The following GRIK2 variants were observed in gnomAD, a reference collection of about 807,000 sequenced individuals.
GRIK2 encodes the protein glutamate receptor ionotropic, kainate 2.
A neutral mutation model predicts 100.3 loss-of-function variants in GRIK2; 32 were observed. The observed-to-expected ratio is 0.32, with a 90% CI of 0.24 to 0.43. GRIK2 has a LOEUF of 0.43. Ranked by LOEUF, GRIK2 falls within the 20% of genes least tolerant of loss-of-function variation. GRIK2 has a pLI of 1.00. For synonymous variants in GRIK2, 417 were observed against 389.4 expected (o/e 1.07, Z -0.83); for missense variants, 843 against 1,114.9 (o/e 0.76, Z 3.47).
At chr6:101,632,846 TCTCAGGAGAAGAAGGG>T (rs1373619002) in intron 4 of GRIK2, among the ~76,000 whole-genome samples, 1 of 151,898 alleles carries the variant, frequency 6.6e-6, no homozygotes, top group African/African-American at 2.4e-5. Flanking sequence ...CATCATGACA[TCTCAGGAGAAGAAGGG>T]CTCAGGAGAA....
chr6:101,986,341 TGA>T (rs1163970738), intron 14 of GRIK2, among the ~76,000 whole-genome samples: 7 of 151,928 alleles, frequency 4.6e-5, no homozygotes, highest in East Asian at 3.9e-4. Context: ...TTTGTGTATG[TGA>T]GAGAGTTATA....
intron 14 of GRIK2, among the ~76,000 whole-genome samples, chr6:101,958,053 C>T (rs1240246717): frequency 6.6e-6 from 1 of 151,714 alleles, no homozygotes; most frequent in Admixed American, 6.6e-5. Context: ...TTTTCTAATT[C>T]TGTGAAAAAT....
In GRIK2 at chr6:101,799,774, A is replaced by G. The variant is rs1780557843; in HGVS notation, c.1078A>G (p.Met360Val). The G allele has an allele frequency of 1.9e-6, 3 of 1,613,166 alleles. No homozygotes were observed. The highest frequency in any genetic ancestry group is 2.2e-5 in the South Asian group (2 of 91,048). The stretch of plus-strand genomic sequence containing the variant: ...ACCCTGGCGCTTCGGGACCCGCTTT[A>G]TGAGTCTAATTAAAGAGGTAAGTTA... The part of the protein sequence containing the change: ...HKPWRFGTRF[M>V]SLIKEAHWEG... The change falls in exon 8 of 17, where the codon ATG becomes GTG. Residue 360 changes from methionine (M) to valine (V), a missense_variant. By Grantham distance (21) the Met-to-Val change is conservative. Around this residue, in one of 3 missense-constraint regions of GRIK2, gnomAD observed 519 missense variants for 643.8 expected, o/e 0.81. Coordinates refer to ENST00000369134, the MANE Select transcript of GRIK2 (RefSeq NM_021956.5).
chr6:101,588,616 A>T (rs1451908124), intron 2 of GRIK2, among the ~76,000 whole-genome samples: 1 of 151,922 alleles, frequency 6.6e-6, no homozygotes, highest in Non-Finnish European at 1.5e-5. Context: ...GTGAATAGCC[A>T]CTGCACTCCA....
intron 7 of GRIK2, among the ~76,000 whole-genome samples, chr6:101,787,827 A>C (rs1779537762): frequency 6.6e-6 from 1 of 152,080 alleles, no homozygotes; most frequent in Non-Finnish European, 1.5e-5. Flanking sequence ...CTTTGGCTAA[A>C]CTGCAGTTTT....
At chr6:101,408,211 T>A (rs1031947615) in intron 2 of GRIK2, among the ~76,000 whole-genome samples, 1 of 152,126 alleles carries the variant, frequency 6.6e-6, no homozygotes, top group Non-Finnish European at 1.5e-5. Context: ...TTATGAAGAA[T>A]AAGTGGATCT....
chr6:102,025,038 C>T lies in GRIK2; in HGVS notation c.2086-10303C>T, dbSNP rs899781072. Among the ~76,000 whole-genome samples the T allele has an allele frequency of 8.6e-5, 13 of 150,876 alleles. No homozygotes were observed. In the South Asian group the frequency reaches 2.3e-3, roughly 27 times the overall value. The stretch of plus-strand genomic sequence containing the variant: ...ATCTTGGAATTTATATAGTCTAATC[C>T]GTTTATTCCACAATTGAACAAATTG... On this transcript the variant is annotated intron_variant, in intron 14 of 16. Transcript: ENST00000369134.
intron 2 of GRIK2, among the ~76,000 whole-genome samples, chr6:101,578,461 A>G (rs1777891579): frequency 6.6e-6 from 1 of 152,190 alleles, no homozygotes; most frequent in Non-Finnish European, 1.5e-5. Context: ...GAAAGCAACC[A>G]GCTTAGATTG....
At chr6:101,651,209 G>A (rs796122804) in intron 4 of GRIK2, among the ~76,000 whole-genome samples, 24 of 151,964 alleles carry the variant, frequency 1.6e-4, no homozygotes, top group African/African-American at 5.3e-4. Flanking sequence ...TAGCATTTTG[G>A]GTCTATTCTA....
chr6:101,523,150 A>G (rs1310819793), intron 2 of GRIK2, among the ~76,000 whole-genome samples: 2 of 152,134 alleles, frequency 1.3e-5, no homozygotes, highest in Non-Finnish European at 2.9e-5. Flanking sequence ...GAGGAAATCC[A>G]TCTTAGGGAA....
chr6:101,608,787 GT>G (rs1779546649), intron 2 of GRIK2, among the ~76,000 whole-genome samples: 85 of 104,498 alleles, frequency 8.1e-4, no homozygotes, highest in African/African-American at 2.4e-3. Context: ...ATAGAGGGGT[GT>G]GTGTGTGTGT....
intron 14 of GRIK2, among the ~76,000 whole-genome samples, chr6:102,015,850 C>T (rs1444519481): frequency 2.0e-5 from 3 of 152,148 alleles, no homozygotes; most frequent in Non-Finnish European, 4.4e-5. Context: ...ATATCAATGG[C>T]TCCCCAATCA....
chr6:101,520,740 C>T (rs552744020), intron 2 of GRIK2, among the ~76,000 whole-genome samples: 2 of 152,148 alleles, frequency 1.3e-5, no homozygotes, highest in South Asian at 2.1e-4. Context: ...TTTAGTAGAA[C>T]ATAACACAAC....
At chr6:101,998,928 C>T (rs2114253635) in intron 14 of GRIK2, among the ~76,000 whole-genome samples, 1 of 151,224 alleles carries the variant, frequency 6.6e-6, no homozygotes, top group East Asian at 2.0e-4. Context: ...ATTCTCCTGC[C>T]TCAGCTTCCC....
At chr6:101,933,416 C>T (rs1406654085) in intron 14 of GRIK2, among the ~76,000 whole-genome samples, 1 of 151,896 alleles carries the variant, frequency 6.6e-6, no homozygotes, top group Non-Finnish European at 1.5e-5. Flanking sequence ...TAAAACTAGC[C>T]AGCTGATACT....
chr6:101,954,683 G>C (rs1250437477), intron 14 of GRIK2, among the ~76,000 whole-genome samples: 2 of 152,094 alleles, frequency 1.3e-5, no homozygotes, highest in African/African-American at 4.8e-5. Context: ...TTTCCAATCT[G>C]GATGCCTTTG....
chr6:101,944,723 C>T (rs934598063), intron 14 of GRIK2, among the ~76,000 whole-genome samples: 1 of 151,748 alleles, frequency 6.6e-6, no homozygotes, highest in African/African-American at 2.4e-5. Context: ...TGTAATAATT[C>T]ATTATAATAG....
intron 11 of GRIK2, among the ~76,000 whole-genome samples, chr6:101,873,563 C>T (rs1386042038): frequency 6.6e-6 from 1 of 152,014 alleles, no homozygotes; most frequent in Non-Finnish European, 1.5e-5. Context: ...CATACATGTG[C>T]ATGTTTCTTT....
chr6:101,941,142 A>G (rs1790928370), intron 14 of GRIK2, among the ~76,000 whole-genome samples: 1 of 152,100 alleles, frequency 6.6e-6, no homozygotes, highest in African/African-American at 2.4e-5. Context: ...AATTATAACT[A>G]TCTAAACCAT....
Sources: allele counts gnomAD v4.1 joint callset (sites outside exome capture counted in the v4.1 genomes callset), GRCh38; gene constraint gnomAD v4.1.1; regional missense constraint gnomAD v4.1.1; transcripts MANE v1.5; gene names NCBI Gene and HGNC (gene_info 2026-07-23, HGNC 2026-07-21).